The following GBP7 variants were observed in gnomAD, a reference collection of about 807,000 sequenced individuals.
The protein encoded by GBP7 is guanylate binding protein 7, also known as guanylate-binding protein 7.
In GBP7, 43 loss-of-function variants were observed where a neutral mutation model predicts 61.3. The ratio of observed to expected loss-of-function variants is 0.70; its 90% confidence interval spans 0.55 to 0.91. The LOEUF is 0.91. GBP7 is among the 40% of genes least tolerant of loss of function. The pLI, the probability that GBP7 is intolerant of heterozygous loss-of-function variation, is 0.00. For synonymous variants in GBP7, 267 were observed against 271.0 expected, an observed-to-expected ratio of 0.99 and a Z score of 0.14; for missense variants, 717 against 740.5, an observed-to-expected ratio of 0.97 and a Z score of 0.37.
chr1:89,164,622 A>C, intron 3 of GBP7, 109 bp downstream of exon 3: 1 of 1,106,724 alleles, frequency 9.0e-7, no homozygotes, highest in Non-Finnish European at 1.3e-6. Context: ...GTTTCCCATA[A>C]TCAGATTTGT....
intron 8 of GBP7, among the ~76,000 whole-genome samples, chr1:89,144,530 A>G (rs1305775646): frequency 6.6e-6 from 1 of 152,034 alleles, no homozygotes; most frequent in South Asian, 2.1e-4. Flanking sequence ...TTTCTCTACA[A>G]CCTCACCAGT....
At chr1:89,159,835 A>G (rs527416292) in intron 3 of GBP7, among the ~76,000 whole-genome samples, 32 of 152,348 alleles carry the variant, frequency 2.1e-4, no homozygotes, top group African/African-American at 7.5e-4. Context: ...TAGAAATACC[A>G]TTTAACCCAG....
At chr1:89,161,968 A>C (rs1647283614) in intron 3 of GBP7, among the ~76,000 whole-genome samples, 1 of 151,484 alleles carries the variant, frequency 6.6e-6, no homozygotes, top group Non-Finnish European at 1.5e-5. Flanking sequence ...TAAAGGGTCC[A>C]ATTTCAATCT....
At chr1:89,142,574 C>T (rs1681978636) in intron 8 of GBP7, among the ~76,000 whole-genome samples, 1 of 152,126 alleles carries the variant, frequency 6.6e-6, no homozygotes, top group South Asian at 2.1e-4. Context: ...GAATTTGAAA[C>T]TTTAAGGGAG....
At chr1:89,137,127 G>GGTTCC (rs1312267046) in intron 9 of GBP7, among the ~76,000 whole-genome samples, 2 of 151,910 alleles carry the variant, frequency 1.3e-5, no homozygotes, top group African/African-American at 4.8e-5. Flanking sequence ...ACCTGGAACA[G>GGTTCC]ACTAATAACA....
At chr1:89,141,031 C>A (rs1681932658) in intron 9 of GBP7, among the ~76,000 whole-genome samples, 1 of 152,092 alleles carries the variant, frequency 6.6e-6, no homozygotes. Context: ...CCAATAGACA[C>A]CAGGACCTAC....
intron 5 of GBP7, 107 bp from the exon 6 acceptor site, chr1:89,150,682 G>T: frequency 8.8e-7 from 1 of 1,130,674 alleles, no homozygotes; most frequent in Non-Finnish European, 1.3e-6. Context: ...TCTTGTGTCT[G>T]TGAATCTACT....
chr1:89,160,360 T>TA (rs1021596301), intron 3 of GBP7, among the ~76,000 whole-genome samples: 4 of 151,874 alleles, frequency 2.6e-5, no homozygotes, highest in East Asian at 1.9e-4. Context: ...TAAAGTATAA[T>TA]AAAAAAAATG....
intron 8 of GBP7, among the ~76,000 whole-genome samples, chr1:89,143,252 A>G (rs1681993547): frequency 6.6e-6 from 1 of 152,220 alleles, no homozygotes; most frequent in African/African-American, 2.4e-5. Flanking sequence ...AAACTCAGAT[A>G]AGTGAAATTA....
At chr1:89,151,613 A>G (rs970967826) in intron 5 of GBP7, among the ~76,000 whole-genome samples, 2 of 152,210 alleles carry the variant, frequency 1.3e-5, no homozygotes, top group African/African-American at 2.4e-5. Flanking sequence ...ACTCCACTAA[A>G]TATAATCTGT....
chr1:89,170,540 T>A (rs1647570063), intron 2 of GBP7, among the ~76,000 whole-genome samples: 1 of 152,158 alleles, frequency 6.6e-6, no homozygotes, highest in Non-Finnish European at 1.5e-5. Flanking sequence ...TTCCCCTGAC[T>A]TGGGACCAAA....
At chr1:89,138,755 T>C (rs1681869322) in intron 9 of GBP7, among the ~76,000 whole-genome samples, 1 of 152,048 alleles carries the variant, frequency 6.6e-6, no homozygotes, top group East Asian at 1.9e-4. Flanking sequence ...AATACCATTC[T>C]GGACATAGGC....
At chr1:89,166,623 T>C (rs546317259) in intron 2 of GBP7, among the ~76,000 whole-genome samples, 62 of 152,250 alleles carry the variant, frequency 4.1e-4, no homozygotes, top group Non-Finnish European at 7.9e-4. Context: ...GTGAAAGTTG[T>C]CAGCATCAAA....
intron 9 of GBP7, among the ~76,000 whole-genome samples, chr1:89,139,251 G>A (rs1681879796): frequency 6.6e-6 from 1 of 152,168 alleles, no homozygotes; most frequent in African/African-American, 2.4e-5. Context: ...TATGTAGAAA[G>A]CTGAAACTGG....
chr1:89,162,203 G>C (rs1647293960), intron 3 of GBP7, among the ~76,000 whole-genome samples: 1 of 152,040 alleles, frequency 6.6e-6, no homozygotes, highest in African/African-American at 2.4e-5. Context: ...ATGTCGAGTA[G>C]CATCCAGCTT....
intron 8 of GBP7, among the ~76,000 whole-genome samples, chr1:89,143,908 G>A (rs115491841): frequency 0.016 from 2,458 of 152,200 alleles, 56 homozygotes; most frequent in African/African-American, 0.056. Flanking sequence ...AATGGGGTTC[G>A]CATGCAGGTT....
At chr1:89,136,260 C>CA (rs1232053440) in intron 9 of GBP7, among the ~76,000 whole-genome samples, 1 of 151,994 alleles carries the variant, frequency 6.6e-6, no homozygotes, top group Non-Finnish European at 1.5e-5. Context: ...ATCATTGAGG[C>CA]AAAAAACTAA....
chr1:89,140,434 G>A (rs1681909252), intron 9 of GBP7, among the ~76,000 whole-genome samples: 2 of 134,146 alleles, frequency 1.5e-5, no homozygotes, highest in Non-Finnish European at 3.1e-5. Flanking sequence ...AAAACTTAAA[G>A]TATAATAATA....
chr1:89,164,049 C>T (rs1647352728), intron 3 of GBP7, among the ~76,000 whole-genome samples: 1 of 151,892 alleles, frequency 6.6e-6, no homozygotes, highest in African/African-American at 2.4e-5. Context: ...TTTGCATTTT[C>T]AGTAGAGATG....
Sources: gnomAD v4.1 joint callset for allele counts (sites outside exome capture counted in the v4.1 genomes callset) on GRCh38, gnomAD v4.1.1 for gene constraint, MANE v1.5 for transcripts, NCBI Gene and HGNC (gene_info 2026-07-23, HGNC 2026-07-21) for gene names.